TDG: variants seen among roughly 807,000 people sequenced by gnomAD.
TDG encodes the protein G/T mismatch-specific thymine DNA glycosylase.
In TDG, 23 loss-of-function variants were observed where a neutral mutation model predicts 46.1. The ratio of observed to expected loss-of-function variants is 0.50; its 90% confidence interval spans 0.36 to 0.71. The LOEUF (loss-of-function observed/expected upper bound fraction) is 0.71, where lower values mean the gene tolerates loss of function less well. Ranked by LOEUF, TDG falls within the 30% of genes least tolerant of loss-of-function variation. The probability of loss-of-function intolerance (pLI) is 0.00; values close to 1 mark genes in which losing one functional copy is unlikely to be tolerated. For missense variants in TDG, 304 were observed against 486.7 expected (o/e 0.62, Z 3.53); for synonymous variants, 115 against 161.3 (o/e 0.71, Z 2.18).
chr12:103,974,271 TTTG>T (rs56774626), intron 1 of TDG, among the ~76,000 whole-genome samples: 4 of 150,338 alleles, frequency 2.7e-5, no homozygotes, highest in African/African-American at 2.4e-5. Flanking sequence ...TTTGCCCTCT[TTTG>T]TTGTTGTTGT....
chr12:103,983,364 C>G lies in TDG; in HGVS notation c.767C>G (p.Pro256Arg), dbSNP rs2034056750. 1 of 1,590,550 alleles carries G rather than the reference C, an allele frequency of 6.3e-7. No individual in the cohort carries two copies. Among genetic ancestry groups the G allele is most frequent in the Non-Finnish European group, 8.5e-7 (1 of 1,172,668 alleles). The stretch of plus-strand genomic sequence containing the variant: ...AAGAACTTGGAATTTGGGCTTCAGC[C>G]CCATAAGATTCCAGACACAGAAACT... ...KVKNLEFGLQPHKIPDTETLC... is the reference protein window; with the variant it reads ...KVKNLEFGLQRHKIPDTETLC... Residue 256 changes from proline (P) to arginine (R), a missense_variant, in exon 7 of 10, where the codon CCC becomes CGC. Transcript: ENST00000392872.
At chr12:103,979,695 A>C in intron 2 of TDG, 136 bp from the exon 3 acceptor site, 1 of 1,048,910 alleles carries the variant, frequency 9.5e-7, no homozygotes, top group South Asian at 1.8e-5. Flanking sequence ...TGCAGAGGAG[A>C]CTCATGTTGG....
intron 9 of TDG, 147 bp downstream of exon 9, chr12:103,985,875 G>A: frequency 1.1e-6 from 1 of 877,494 alleles, no homozygotes; most frequent in Non-Finnish European, 1.6e-6. Flanking sequence ...AAAATTGATG[G>A]TTATTTCACG....
chr12:103,981,084 A>G (rs1030989499), intron 4 of TDG, 122 bp downstream of exon 4: 15 of 802,036 alleles, frequency 1.9e-5, no homozygotes, highest in South Asian at 3.4e-5. Flanking sequence ...TTCGTGTTTC[A>G]TGTTCTGTGT....
chr12:103,979,788 A>G, intron 2 of TDG, 43 bp from the exon 3 acceptor site: 3 of 1,530,796 alleles, frequency 2.0e-6, no homozygotes, highest in Non-Finnish European at 2.6e-6. Flanking sequence ...TAAAGTTTCT[A>G]AGTTAAGATT....
chr12:103,979,610 A>G (rs1871719653), intron 2 of TDG, among the ~76,000 whole-genome samples: 1 of 152,160 alleles, frequency 6.6e-6, no homozygotes, highest in Admixed American at 6.5e-5. Flanking sequence ...CTTCCCACGA[A>G]CAGCTAGCAG....
intron 2 of TDG, among the ~76,000 whole-genome samples, chr12:103,978,244 T>TG (rs1010465310): frequency 1.3e-5 from 2 of 150,684 alleles, no homozygotes; most frequent in African/African-American, 4.9e-5. Context: ...TTCATGTGTT[T>TG]GGGGGGAGCA....
intron 4 of TDG, among the ~76,000 whole-genome samples, chr12:103,981,791 C>T (rs933217176): frequency 6.6e-6 from 1 of 152,108 alleles, no homozygotes; most frequent in Non-Finnish European, 1.5e-5. Context: ...AGGAGGATCA[C>T]TTGAGGCCAG....
chr12:103,979,706 G>A, intron 2 of TDG, 125 bp from the exon 3 acceptor site: 1 of 1,216,184 alleles, frequency 8.2e-7, no homozygotes. Flanking sequence ...CTCATGTTGG[G>A]ACTGTAAGAG....
In TDG at chr12:103,983,219, G is replaced by A. The variant is rs1418312841; in HGVS notation, c.697+1G>A. The A allele has an allele frequency of 6.3e-7, 1 of 1,592,540 alleles. No homozygotes were observed. The highest frequency in any genetic ancestry group is 1.4e-5 in the African/African-American group (1 of 73,842). On this transcript the variant is annotated splice_donor_variant, in intron 6 of 9. Coordinates refer to ENST00000392872, the MANE Select transcript of TDG (RefSeq NM_003211.6). LOFTEE classifies it high-confidence loss of function. ...CGAATAGCAGTGTTTAATGGAAAATGTAAGATTTACTTTTAAATTTTTTTT... is the reference window on the plus strand; with the variant it reads ...CGAATAGCAGTGTTTAATGGAAAATATAAGATTTACTTTTAAATTTTTTTT...
At chr12:103,978,244 TG>T (rs1010465310) in intron 2 of TDG, among the ~76,000 whole-genome samples, 1 of 150,798 alleles carries the variant, frequency 6.6e-6, no homozygotes, top group Middle Eastern at 3.4e-3. Flanking sequence ...TTCATGTGTT[TG>T]GGGGGAGCAT....
Position 103,984,823 on chromosome 12 carries a change from C to T in TDG, c.867C>T (p.Tyr289=), listed in dbSNP as rs4135120. The T allele has an allele frequency of 1.4e-3, 2,313 of 1,612,530 alleles. 1 individual carries two copies. In the African/African-American group the frequency reaches 0.028, roughly 20 times the overall value. Residue 289 remains tyrosine, a synonymous_variant, in exon 8 of 10, where the codon TAC becomes TAT. Coordinates refer to ENST00000392872, the MANE Select transcript of TDG (RefSeq NM_003211.6). ...FPRAQDKVHY[Y]IKLKDLRDQL... ...GAGCCCAAGACAAAGTTCATTACTA[C>T]ATAAAACTGAAGGACTTAAGAGATC...
At chr12:103,979,721 AT>A (rs1871727335) in intron 2 of TDG, 109 bp from the exon 3 acceptor site, 3 of 1,364,882 alleles carry the variant, frequency 2.2e-6, no homozygotes, top group Non-Finnish European at 2.9e-6. Context: ...TAAGAGCTTA[AT>A]TTTGGGGAGA....
intron 1 of TDG, among the ~76,000 whole-genome samples, chr12:103,966,555 G>A (rs2136229853): frequency 6.6e-6 from 1 of 152,204 alleles, no homozygotes; most frequent in East Asian, 1.9e-4. Context: ...ATTTTGTTGT[G>A]GGCATATGTA....
intron 1 of TDG, among the ~76,000 whole-genome samples, chr12:103,974,725 C>T (rs946598413): frequency 2.6e-5 from 4 of 152,050 alleles, no homozygotes; most frequent in African/African-American, 9.7e-5. Context: ...AATCCCAGCA[C>T]TTTGGGAGGC....
intron 1 of TDG, 26 bp downstream of exon 1, chr12:103,966,086 T>C: frequency 6.4e-7 from 1 of 1,553,908 alleles, no homozygotes; most frequent in South Asian, 1.2e-5. Flanking sequence ...GCGCCGCCCC[T>C]CCCTTGCGCC....
Position 103,966,048 on chromosome 12 carries a change from A to G in TDG, c.11A>G (p.Glu4Gly). The stretch of plus-strand genomic sequence containing the variant: ...CAGCGGCCTCGGGGAATGGAAGCGG[A>G]GAACGCGGGCAGGTAATACCGGGGC... MEA[E>G]NAGSYSLQQA... Residue 4 changes from glutamate to glycine, a missense_variant, in exon 1 of 10, where the codon GAG (glutamate) becomes GGG (glycine). Glu to Gly is a moderately conservative substitution (Grantham distance 98). Transcript: ENST00000392872. 1 of 1,595,594 alleles carries G rather than the reference A, an allele frequency of 6.3e-7. No individual in the cohort carries two copies. The highest frequency in any genetic ancestry group is 1.1e-5 in the South Asian group (1 of 88,998).
rs1872206419 is a variant in TDG at position 103,987,189 on chromosome 12, T to C, written c.*99T>C. 6.6e-7 allele frequency: 1 copy of C among 1,518,052 alleles called. No homozygotes were observed. The highest frequency in any genetic ancestry group is 9.0e-7 in the Non-Finnish European group (1 of 1,111,690). 94.0% of individuals were successfully genotyped at this position (1,518,052 alleles called of 1,614,324 possible). ...TAACTGAAGTGTTTTATTAGTATTT[T>C]ACTCTAGTGGTGTAATTGTAATGTA... is the stretch of plus-strand genomic sequence containing the variant. On this transcript the variant is annotated 3_prime_UTR_variant, in exon 10 of 10. Transcript: ENST00000392872.
intron 4 of TDG, among the ~76,000 whole-genome samples, chr12:103,982,335 G>A (rs1432703412): frequency 1.3e-5 from 2 of 152,206 alleles, no homozygotes; most frequent in African/African-American, 4.8e-5. Context: ...GTATGTTTAC[G>A]TGTGAGGTGG....
Sources: gnomAD v4.1 joint callset for allele counts (sites outside exome capture counted in the v4.1 genomes callset) on GRCh38, gnomAD v4.1.1 for gene constraint, MANE v1.5 for transcripts, NCBI Gene and HGNC (gene_info 2026-07-23, HGNC 2026-07-21) for gene names.